ITGB8: variants seen among roughly 807,000 people sequenced by gnomAD.
ITGB8 encodes the protein integrin subunit beta 8.
A neutral mutation model predicts 89.5 loss-of-function variants in ITGB8; 30 were observed. That is an observed-to-expected ratio of 0.34 (90% CI 0.25 to 0.45). ITGB8 has a LOEUF of 0.45. Ranked by LOEUF, ITGB8 falls within the 20% of genes least tolerant of loss-of-function variation. The pLI, the probability that ITGB8 is intolerant of heterozygous loss-of-function variation, is 1.00. For synonymous variants in ITGB8, 335 were observed against 320.4 expected (o/e 1.05, Z -0.49); for missense variants, 836 against 933.3 (o/e 0.90, Z 1.36).
chr7:20,392,735 A>G (rs1297011940), intron 7 of ITGB8, among the ~76,000 whole-genome samples: 1 of 152,202 alleles, frequency 6.6e-6, no homozygotes, highest in Non-Finnish European at 1.5e-5. Context: ...TATACACATT[A>G]TTTAGCTCCC....
rs1429091601 is a variant in ITGB8, at chr7:20,331,359, A to G, written c.-448A>G. ...AGATCCAGCATCACCCAGTGAATGTACATTAGGGTGGTTTCCCCCCCAGCT... is the reference window on the plus strand; with the variant it reads ...AGATCCAGCATCACCCAGTGAATGTGCATTAGGGTGGTTTCCCCCCCAGCT... On this transcript the variant is annotated 5_prime_UTR_variant, in exon 1 of 14. Coordinates refer to ENST00000222573, the MANE Select transcript of ITGB8 (RefSeq NM_002214.3). 2.5e-6 allele frequency: 1 copy of G among 395,630 alleles called. No homozygotes were observed. Among genetic ancestry groups the G allele is most frequent in the African/African-American group, 2.1e-5 (1 of 48,590 alleles). The allele number at this position is 395,630 out of a possible 1,614,324, so 24.5% of individuals were successfully genotyped here.
chr7:20,407,946 T>C (rs117646165), intron 12 of ITGB8, among the ~76,000 whole-genome samples: 1,848 of 152,302 alleles, frequency 0.012, 17 homozygotes, highest in Non-Finnish European at 0.02. Flanking sequence ...AATGTGTCAG[T>C]AGCTAGGGGC....
Position 20,386,405 on chromosome 7 carries a change from ATT to A in ITGB8, c.960+4544_960+4545del, listed in dbSNP as rs759304002. 5.9e-3 allele frequency among the ~76,000 whole-genome samples: 478 copies of A among 80,370 alleles called. 4 individuals are homozygous for A. The highest frequency in any genetic ancestry group is 0.024 in the African/African-American group (430 of 18,240). The allele number at this position is 80,370 out of a possible 152,430, so 52.7% of individuals were successfully genotyped here. ...AGGCGCGTGCCACCACACCTGGCTA[ATT>A]TTTTTTTTTTTTTTTTTTTTTTTGG... is the stretch of plus-strand genomic sequence containing the variant. On this transcript the variant is annotated intron_variant, in intron 6 of 13. Coordinates refer to ENST00000222573, the MANE Select transcript of ITGB8 (RefSeq NM_002214.3).
chr7:20,406,005 T>C, intron 11 of ITGB8, 57 bp from the exon 12 acceptor site: 1 of 1,035,168 alleles, frequency 9.7e-7, no homozygotes, highest in Non-Finnish European at 1.5e-6. Context: ...GCAGAAAATA[T>C]TATAGTCCAC....
At chr7:20,341,418 T>C (rs1784750422) in intron 1 of ITGB8, among the ~76,000 whole-genome samples, 1 of 152,098 alleles carries the variant, frequency 6.6e-6, no homozygotes, top group African/African-American at 2.4e-5. Context: ...CACTACCAGC[T>C]AGAACAAGGG....
At chr7:20,367,412 G>C (rs1432447826) in intron 3 of ITGB8, among the ~76,000 whole-genome samples, 1 of 152,040 alleles carries the variant, frequency 6.6e-6, no homozygotes, top group Non-Finnish European at 1.5e-5. Context: ...TATGTGTTCT[G>C]TTCACATAAT....
intron 6 of ITGB8, among the ~76,000 whole-genome samples, chr7:20,386,677 A>G (rs375495221): frequency 6.6e-6 from 1 of 152,152 alleles, no homozygotes; most frequent in South Asian, 2.1e-4. Context: ...GTTTTAATTG[A>G]AAGCAAAATT....
intron 1 of ITGB8, among the ~76,000 whole-genome samples, chr7:20,348,116 TA>T (rs1460151580): frequency 6.6e-6 from 1 of 152,228 alleles, no homozygotes; most frequent in Non-Finnish European, 1.5e-5. Flanking sequence ...ATCTTCTCTA[TA>T]ATATAATGGT....
At chr7:20,351,112 G>C (rs1253103674) in intron 1 of ITGB8, among the ~76,000 whole-genome samples, 1 of 152,166 alleles carries the variant, frequency 6.6e-6, no homozygotes, top group East Asian at 1.9e-4. Flanking sequence ...GGGAAAATAG[G>C]ATTACCTTAG....
intron 7 of ITGB8, among the ~76,000 whole-genome samples, chr7:20,393,111 A>G (rs575690746): frequency 1.3e-3 from 195 of 152,326 alleles, no homozygotes; most frequent in African/African-American, 4.3e-3. Flanking sequence ...TAACAACCCA[A>G]ATCCTCTGCT....
intron 3 of ITGB8, among the ~76,000 whole-genome samples, chr7:20,378,160 A>AG (rs1006871115): frequency 6.6e-6 from 1 of 152,012 alleles, no homozygotes; most frequent in African/African-American, 2.4e-5. Flanking sequence ...ATAGAGGGTT[A>AG]GGGGGGACAA....
rs200550302 is a variant in ITGB8 at position 20,381,902 on chromosome 7, C to T, written c.960+17C>T. On this transcript the variant is annotated intron_variant, in intron 6 of 13. Coordinates refer to ENST00000222573, the MANE Select transcript of ITGB8 (RefSeq NM_002214.3). ...ACAACCATGGTAATGCAGCAGTAACCGCTTAGTAGATATGACTCTTTTGGT... is the reference window on the plus strand; with the variant it reads ...ACAACCATGGTAATGCAGCAGTAACTGCTTAGTAGATATGACTCTTTTGGT... The T allele has an allele frequency of 3.1e-6, 5 of 1,590,420 alleles. No homozygotes were observed. The highest frequency in any genetic ancestry group is 2.7e-5 in the African/African-American group (2 of 73,536).
At chr7:20,342,283 G>A (rs1784785859) in intron 1 of ITGB8, among the ~76,000 whole-genome samples, 3 of 152,170 alleles carry the variant, frequency 2.0e-5, no homozygotes, top group South Asian at 4.1e-4. Flanking sequence ...GCTCTGTATT[G>A]ACAATCTAGG....
At chr7:20,340,020 A>G (rs1784702931) in intron 1 of ITGB8, among the ~76,000 whole-genome samples, 1 of 152,196 alleles carries the variant, frequency 6.6e-6, no homozygotes, top group African/African-American at 2.4e-5. Context: ...AAAAAGCGAG[A>G]CTTTGTCTAA....
Position 20,410,092 on chromosome 7 carries a change from T to C in ITGB8, c.*95T>C. 7.8e-7 allele frequency: 1 copy of C among 1,280,572 alleles called. No individual in the cohort carries two copies. Among genetic ancestry groups the C allele is most frequent in the Non-Finnish European group, 1.1e-6 (1 of 914,894 alleles). 79.3% of individuals were successfully genotyped at this position (1,280,572 alleles called of 1,614,324 possible). A position where few individuals can be genotyped will look rare whatever the true frequency, so the allele number is the denominator to read the frequency against. ...AAAGTCACAGGAGGAGACAAATTGC[T>C]CACGGTCATGCCAGTTGCTGGTTGT... On this transcript the variant is annotated 3_prime_UTR_variant, in exon 14 of 14. Transcript: ENST00000222573.
intron 6 of ITGB8, among the ~76,000 whole-genome samples, chr7:20,388,407 A>G (rs2127969975): frequency 6.6e-6 from 1 of 152,296 alleles, no homozygotes; most frequent in East Asian, 1.9e-4. Flanking sequence ...ATAAAAGATA[A>G]AATACTTTTT....
rs899556058 is a variant in ITGB8 at position 20,353,760 on chromosome 7, C to T, written c.128-9877C>T. On this transcript the variant is annotated intron_variant, in intron 1 of 13. Coordinates refer to ENST00000222573, the MANE Select transcript of ITGB8 (RefSeq NM_002214.3). ...CATCCTGGCTAACACGGTGAAACCC[C>T]GTCTCTACTAAAAATACAAAAATTA... 2.7e-5 allele frequency among the ~76,000 whole-genome samples: 4 copies of T among 149,048 alleles called. 1 individual carries two copies. The highest frequency in any genetic ancestry group is 1.0e-4 in the African/African-American group (4 of 38,954).
At chr7:20,378,538 C>A (rs182290224) in intron 3 of ITGB8, among the ~76,000 whole-genome samples, 204 of 152,330 alleles carry the variant, frequency 1.3e-3, no homozygotes, top group Non-Finnish European at 2.6e-3. Flanking sequence ...AGAGTTTTCT[C>A]ATCTCCTGTG....
chr7:20,383,722 G>A (rs1562686207), intron 6 of ITGB8, among the ~76,000 whole-genome samples: 1 of 152,064 alleles, frequency 6.6e-6, no homozygotes, highest in Non-Finnish European at 1.5e-5. Flanking sequence ...GAACCTTATG[G>A]AAATAAGTTA....
Sources: gnomAD v4.1 joint callset for allele counts (sites outside exome capture counted in the v4.1 genomes callset) on GRCh38, gnomAD v4.1.1 for gene constraint, MANE v1.5 for transcripts, NCBI Gene and HGNC (gene_info 2026-07-23, HGNC 2026-07-21) for gene names.